Variants in MPP7 observed in about 807,000 individuals in gnomAD.
MPP7 encodes MAGUK p55 subfamily member 7.
MPP7 carries 60 observed loss-of-function variants against 76.5 expected under a neutral mutation model. The observed-to-expected ratio is 0.78, with a 90% CI of 0.64 to 0.97. MPP7 has a LOEUF of 0.97. Among genes scored for constraint, MPP7 ranks in the 50% least tolerant of loss-of-function variants. MPP7 has a pLI of 0.00. For missense variants in MPP7, 641 were observed against 694.0 expected, an observed-to-expected ratio of 0.92 and a Z score of 0.86; for synonymous variants, 237 against 244.5, an observed-to-expected ratio of 0.97 and a Z score of 0.29.
intron 11 of MPP7, chr10:28,119,049 A>G: frequency 1.0e-6 from 1 of 985,384 alleles, no homozygotes; most frequent in Non-Finnish European, 1.2e-6. Context: ...AGAAAAGCTG[A>G]CAGAAGATTA....
intron 3 of MPP7, among the ~76,000 whole-genome samples, chr10:28,198,953 T>C (rs892628013): frequency 6.6e-6 from 1 of 152,124 alleles, no homozygotes; most frequent in Non-Finnish European, 1.5e-5. Context: ...TTGTCAGTTT[T>C]CACATACCTG....
chr10:28,321,231 CA>C (rs1834367127), intron 2 of MPP7, among the ~76,000 whole-genome samples: 3 of 151,766 alleles, frequency 2.0e-5, no homozygotes, highest in African/African-American at 7.3e-5. Context: ...GGAAAATGAA[CA>C]AAAAAAGGTT....
chr10:28,071,938 C>T (rs1001397278), intron 12 of MPP7, among the ~76,000 whole-genome samples: 5 of 152,018 alleles, frequency 3.3e-5, no homozygotes, highest in Admixed American at 6.6e-5. Context: ...TCAAGGCTAT[C>T]GAAGTGAAGA....
chr10:28,293,627 A>G lies in MPP7; in HGVS notation c.-132+9234T>C, dbSNP rs538557827. On this transcript the variant is annotated intron_variant, in intron 1 of 16. Coordinates refer to ENST00000683449, the MANE Select transcript of MPP7 (RefSeq NM_001318170.2). ...CACGGACCAATCATGACAGTGTGCCATGAAGTGAGTGCTAACTCCAGTCCG... is the reference window on the plus strand; with the variant it reads ...CACGGACCAATCATGACAGTGTGCCGTGAAGTGAGTGCTAACTCCAGTCCG... Among the ~76,000 whole-genome samples the G allele has an allele frequency of 1.5e-3, 224 of 152,326 alleles. 1 individual carries two copies. The highest frequency in any genetic ancestry group is 2.6e-3 in the Non-Finnish European group (178 of 68,030).
chr10:28,057,884 C>T (rs1383960222), intron 15 of MPP7: 2 of 1,207,322 alleles, frequency 1.7e-6, no homozygotes, highest in East Asian at 6.7e-5. Flanking sequence ...GGCTGGGGAT[C>T]TGCTGGAAGA....
chr10:28,316,751 A>G (rs1385687376), intron 2 of MPP7, among the ~76,000 whole-genome samples: 1 of 152,228 alleles, frequency 6.6e-6, no homozygotes, highest in African/African-American at 2.4e-5. Context: ...AATCAGTGGA[A>G]GATTTGAACA....
At position 28,321,294 on chromosome 10, in the gene MPP7, C is replaced by T. The variant is rs1277748996; in HGVS notation, c.-132+8635G>A. The stretch of plus-strand genomic sequence containing the variant: ...AATGAGAAAAGCTCTTTTCATGTTA[C>T]TGCTCCAAACATCTAAATTGTTCCA... On this transcript the variant is annotated intron_variant, in intron 2 of 11. Transcript: ENST00000441595. Among the ~76,000 whole-genome samples the T allele has an allele frequency of 4.6e-5, 7 of 152,294 alleles. No individual in the cohort carries two copies. The East Asian group carries it at 1.2e-3, about 25-fold the overall frequency.
chr10:28,059,077 T>C, intron 14 of MPP7, among the ~76,000 whole-genome samples: 1 of 152,188 alleles, frequency 6.6e-6, no homozygotes, highest in African/African-American at 2.4e-5. Context: ...AGCATTTCGA[T>C]GTTTTAATAA....
At chr10:28,087,571 C>T (rs7478236) in intron 12 of MPP7, among the ~76,000 whole-genome samples, 38,617 of 151,884 alleles carry the variant, frequency 0.25, 6,845 homozygotes, top group East Asian at 0.88. Flanking sequence ...AATTTTTATA[C>T]TATTAGTAGA....
intron 12 of MPP7, among the ~76,000 whole-genome samples, chr10:28,072,912 T>A (rs976966957): frequency 1.3e-5 from 2 of 152,160 alleles, no homozygotes; most frequent in African/African-American, 4.8e-5. Context: ...TTGTCCTTTA[T>A]CACACTTGCC....
At position 28,112,165 on chromosome 10, in the gene MPP7, T is replaced by C. The variant is rs545058478; in HGVS notation, c.952+7486A>G. Among the ~76,000 whole-genome samples the C allele has an allele frequency of 3.3e-5, 5 of 152,300 alleles. No homozygotes were observed. In the East Asian group the frequency reaches 5.8e-4, roughly 18 times the overall value. The stretch of plus-strand genomic sequence containing the variant: ...ATGTCTTAGTAACTCTGACCTGTCA[T>C]GCGCATCTAAAGCAAACGGTTAGAA... On this transcript the variant is annotated intron_variant, in intron 11 of 16. Transcript: ENST00000683449.
At chr10:28,080,586 A>G (rs1852714455) in intron 12 of MPP7, among the ~76,000 whole-genome samples, 1 of 152,224 alleles carries the variant, frequency 6.6e-6, no homozygotes, top group Non-Finnish European at 1.5e-5. Context: ...AAATGGCACA[A>G]GGGCAAAAAT....
At position 28,054,054 on chromosome 10, in the gene MPP7, A is replaced by G. The variant is rs754995268; in HGVS notation, c.*11T>C. On this transcript the variant is annotated 3_prime_UTR_variant, in exon 17 of 17. Transcript: ENST00000683449. ...TCTATAGAAAAAGACAATTATGGAA[A>G]TTTCTCTTAGTTATGAATGTAACCA... 6.2e-7 allele frequency: 1 copy of G among 1,602,614 alleles called. No individual in the cohort carries two copies. The highest frequency in any genetic ancestry group is 8.5e-7 in the Non-Finnish European group (1 of 1,173,384).
intron 12 of MPP7, among the ~76,000 whole-genome samples, 159 bp from the exon 13 acceptor site, chr10:28,070,011 AG>A (rs1379602075): frequency 6.6e-6 from 1 of 152,212 alleles, no homozygotes; most frequent in East Asian, 1.9e-4. Flanking sequence ...AGAAAATGCT[AG>A]ATTTCTTTTG....
intron 2 of MPP7, among the ~76,000 whole-genome samples, chr10:28,316,774 G>A (rs997983038): frequency 6.6e-6 from 1 of 152,198 alleles, no homozygotes; most frequent in Non-Finnish European, 1.5e-5. Flanking sequence ...CAAGACTTGA[G>A]TAGGAAAAGT....
intron 11 of MPP7, among the ~76,000 whole-genome samples, chr10:28,099,359 G>A (rs139740029): frequency 6.6e-6 from 1 of 152,200 alleles, no homozygotes; most frequent in Non-Finnish European, 1.5e-5. Context: ...AACCAACCTG[G>A]TCTAATAACA....
At chr10:28,303,146 C>T (rs931154902), upstream of MPP7, among the ~76,000 whole-genome samples, 1 of 150,114 alleles carries the variant, frequency 6.7e-6, no homozygotes, top group Non-Finnish European at 1.5e-5. Context: ...GAGGGGCCTG[C>T]TGATAGGCTG....
intron 10 of MPP7, 110 bp downstream of exon 10, chr10:28,120,084 T>G: frequency 8.3e-7 from 1 of 1,211,022 alleles, no homozygotes; most frequent in Non-Finnish European, 1.1e-6. Flanking sequence ...GATAAAAAAT[T>G]CTAAGGCAAG....
At chr10:28,124,226 G>A (rs904823858) in intron 7 of MPP7, 110 bp from the exon 8 acceptor site, 8 of 731,944 alleles carry the variant, frequency 1.1e-5, no homozygotes, top group South Asian at 3.1e-5. Context: ...TACACTTAAC[G>A]AATGGAAAGG....
Sources: gnomAD v4.1 joint callset for allele counts (sites outside exome capture counted in the v4.1 genomes callset) on GRCh38, gnomAD v4.1.1 for gene constraint, MANE v1.5 for transcripts, NCBI Gene and HGNC (gene_info 2026-07-23, HGNC 2026-07-21) for gene names.